Variants in RBFOX1 observed in about 807,000 individuals in gnomAD.
The protein encoded by RBFOX1 is RNA binding fox-1 homolog 1, also known as RNA binding protein fox-1 homolog 1.
Under a neutral mutation model 57.7 loss-of-function variants are expected in RBFOX1, and 8 were observed. That is an observed-to-expected ratio of 0.14 (90% CI 0.08 to 0.25). The LOEUF (loss-of-function observed/expected upper bound fraction) is 0.25, where lower values mean the gene tolerates loss of function less well. Ranked by LOEUF, RBFOX1 falls within the 10% of genes least tolerant of loss-of-function variation. The pLI, the probability that RBFOX1 is intolerant of heterozygous loss-of-function variation, is 1.00. For missense variants in RBFOX1, 611 were observed against 548.5 expected (o/e 1.11, Z -1.14); for synonymous variants, 326 against 222.4 (o/e 1.47, Z -4.15).
At chr16:6,963,349 G>A (rs1034669497) in intron 3 of RBFOX1, among the ~76,000 whole-genome samples, 1 of 152,048 alleles carries the variant, frequency 6.6e-6, no homozygotes, top group East Asian at 1.9e-4. Flanking sequence ...GAGATAATGG[G>A]AATGAAATCG....
chr16:5,711,724 A>G (rs1239920352), intron 3 of RBFOX1, among the ~76,000 whole-genome samples: 1 of 152,218 alleles, frequency 6.6e-6, no homozygotes, highest in African/African-American at 2.4e-5. Context: ...TGGGAATTCA[A>G]TAAAAGGTGG....
chr16:7,370,908 A>G (rs966362885), intron 4 of RBFOX1, among the ~76,000 whole-genome samples: 3 of 152,206 alleles, frequency 2.0e-5, no homozygotes, highest in African/African-American at 7.2e-5. Context: ...ATGGAGAGAA[A>G]TGGTGACTGC....
chr16:6,780,580 ATATT>A (rs1225778416), intron 3 of RBFOX1, among the ~76,000 whole-genome samples: 8 of 139,242 alleles, frequency 5.7e-5, no homozygotes, highest in Non-Finnish European at 1.1e-4. Flanking sequence ...ATTTATATAT[ATATT>A]TATATATATA....
chr16:5,945,023 T>C (rs934966584), intron 4 of RBFOX1, among the ~76,000 whole-genome samples: 4 of 140,802 alleles, frequency 2.8e-5, no homozygotes, highest in Admixed American at 1.4e-4. Context: ...GAGAAAACCA[T>C]TCTCACCTCC....
At chr16:5,598,509 A>G (rs1456272159) in intron 2 of RBFOX1, among the ~76,000 whole-genome samples, 5 of 152,200 alleles carry the variant, frequency 3.3e-5, no homozygotes, top group African/African-American at 1.2e-4. Flanking sequence ...ATATATTTAC[A>G]TTTTTAAACA....
At chr16:6,228,880 GA>G (rs2097436965) in intron 1 of RBFOX1, among the ~76,000 whole-genome samples, 1 of 152,038 alleles carries the variant, frequency 6.6e-6, no homozygotes, top group Admixed American at 6.6e-5. Flanking sequence ...ATACATGTTT[GA>G]AATTTTCATG....
intron 5 of RBFOX1, among the ~76,000 whole-genome samples, chr16:7,520,645 G>A (rs2077331838): frequency 6.6e-6 from 1 of 152,178 alleles, no homozygotes; most frequent in African/African-American, 2.4e-5. Context: ...CGACTTTTTT[G>A]TATTTAGTTG....
intron 4 of RBFOX1, among the ~76,000 whole-genome samples, chr16:7,261,228 T>C (rs1373907260): frequency 6.6e-6 from 1 of 152,194 alleles, no homozygotes; most frequent in East Asian, 1.9e-4. Flanking sequence ...GAGCCTTAGC[T>C]TTCAACTTTG....
intron 4 of RBFOX1, among the ~76,000 whole-genome samples, chr16:7,506,604 T>C (rs5012442): frequency 0.17 from 25,588 of 151,582 alleles, 2,251 homozygotes; most frequent in East Asian, 0.28. Context: ...ATCATCATCA[T>C]CACCACCACC....
intron 2 of RBFOX1, among the ~76,000 whole-genome samples, chr16:6,495,409 G>A (rs1284182363): frequency 6.6e-6 from 1 of 151,128 alleles, no homozygotes; most frequent in African/African-American, 2.4e-5. Context: ...AATATTACAG[G>A]CTTGAGCTTC....
chr16:5,528,711 G>C lies in RBFOX1; in HGVS notation c.258+61457G>C, dbSNP rs528267393. 8.0e-5 allele frequency among the ~76,000 whole-genome samples: 12 copies of C among 150,368 alleles called. No individual in the cohort carries two copies. The South Asian group carries it at 2.5e-3, about 32-fold the overall frequency. On this transcript the variant is annotated intron_variant, in intron 2 of 2. Coordinates refer to the RBFOX1 transcript ENST00000585867. ...GTCGCCCAGGCTGGACTGCAGTGGC[G>C]CAATCTCGGCTCACTGCAACCTCCA...
At chr16:7,690,800 A>T (rs1759507277) in intron 14 of RBFOX1, among the ~76,000 whole-genome samples, 1 of 152,170 alleles carries the variant, frequency 6.6e-6, no homozygotes, top group Non-Finnish European at 1.5e-5. Context: ...CCTCTAAATC[A>T]ATAGTCTTAA....
intron 14 of RBFOX1, among the ~76,000 whole-genome samples, chr16:7,685,131 G>C (rs1029636230): frequency 4.6e-5 from 7 of 152,032 alleles, no homozygotes; most frequent in Admixed American, 3.3e-4. Flanking sequence ...GCACTTCCCA[G>C]ACTCCAGAAT....
chr16:6,019,565 T>C lies in RBFOX1; in HGVS notation c.-554T>C. The C allele has an allele frequency of 8.7e-7, 1 of 1,150,660 alleles. No homozygotes were observed. The highest frequency in any genetic ancestry group is 1.6e-5 in the African/African-American group (1 of 62,446). The allele number at this position is 1,150,660 out of a possible 1,614,324, so 71.3% of individuals were successfully genotyped here. A position where few individuals can be genotyped will look rare whatever the true frequency, so the allele number is the denominator to read the frequency against. ...GAACAGCAGAGGCGGCGGCACTGGC[T>C]GGACCCACGCGCGCGCCTCCGGGGC... On this transcript the variant is annotated 5_prime_UTR_variant, in exon 1 of 16. Coordinates refer to ENST00000550418, the MANE Select transcript of RBFOX1 (RefSeq NM_018723.4). This position sits in a 1 kb window ranked among gnomAD's most constrained non-coding sequence, Gnocchi z 4.2.
intron 1 of RBFOX1, among the ~76,000 whole-genome samples, chr16:6,295,217 A>G (rs1225896468): frequency 6.6e-6 from 1 of 150,604 alleles, no homozygotes; most frequent in Non-Finnish European, 1.5e-5. Flanking sequence ...TCTGCCTCCT[A>G]GGTTCAAGTG....
At chr16:5,501,913 G>A (rs1355855549) in intron 2 of RBFOX1, among the ~76,000 whole-genome samples, 1 of 151,762 alleles carries the variant, frequency 6.6e-6, no homozygotes, top group Non-Finnish European at 1.5e-5. Flanking sequence ...TTGTAGAGAT[G>A]GGTCTTGCTA....
chr16:5,465,281 G>C (rs1204509440), intron 1 of RBFOX1, among the ~76,000 whole-genome samples: 2 of 152,120 alleles, frequency 1.3e-5, no homozygotes, highest in African/African-American at 4.8e-5. Context: ...CTGCATCCCT[G>C]ACACCTCTTT....
intron 2 of RBFOX1, among the ~76,000 whole-genome samples, chr16:6,611,489 G>A (rs962400351): frequency 2.6e-4 from 40 of 152,236 alleles, no homozygotes; most frequent in African/African-American, 9.1e-4. Context: ...TTCCCTCGGA[G>A]AGGTCTCCTT....
intron 1 of RBFOX1, among the ~76,000 whole-genome samples, chr16:5,288,821 G>A (rs1421561772): frequency 2.0e-5 from 3 of 152,044 alleles, no homozygotes; most frequent in East Asian, 3.9e-4. Flanking sequence ...GGTGAAGGGA[G>A]CAGGTAACCA....
Sources: allele counts gnomAD v4.1 joint callset (sites outside exome capture counted in the v4.1 genomes callset), GRCh38; gene constraint gnomAD v4.1.1; non-coding constraint Gnocchi (gnomAD v3.1); transcripts MANE v1.5; gene names NCBI Gene and HGNC (gene_info 2026-07-23, HGNC 2026-07-21).